The following RGMB variants were observed in gnomAD, a reference collection of about 807,000 sequenced individuals.
The protein encoded by RGMB is repulsive guidance molecule B.
In RGMB, 16 loss-of-function variants were observed where a neutral mutation model predicts 26.9. The observed-to-expected ratio is 0.60, with a 90% CI of 0.40 to 0.90. The LOEUF is 0.90. Ranked by LOEUF, RGMB falls within the 40% of genes least tolerant of loss-of-function variation. The pLI is 0.00. For missense variants in RGMB, 512 were observed against 573.3 expected (o/e 0.89, Z 1.09); for synonymous variants, 225 against 229.3 (o/e 0.98, Z 0.17).
intron 2 of RGMB, among the ~76,000 whole-genome samples, chr5:98,792,095 GT>G (rs1746947316): frequency 6.6e-6 from 1 of 152,176 alleles, no homozygotes; most frequent in South Asian, 2.1e-4. Context: ...TATTTGCCAG[GT>G]GATTTCCCTG....
chr5:98,787,810 G>A (rs1204406878), intron 2 of RGMB, among the ~76,000 whole-genome samples: 3 of 152,168 alleles, frequency 2.0e-5, no homozygotes, highest in African/African-American at 7.2e-5. Flanking sequence ...AATTACTCTT[G>A]GGAAGCAGCA....
At chr5:98,779,264 C>T (rs529695342) in intron 1 of RGMB, among the ~76,000 whole-genome samples, 62 of 152,262 alleles carry the variant, frequency 4.1e-4, no homozygotes, top group African/African-American at 1.5e-3. Flanking sequence ...GAACAAATAG[C>T]AACATTTATA....
chr5:98,790,729 G>A (rs183471158), intron 2 of RGMB, among the ~76,000 whole-genome samples: 11 of 152,202 alleles, frequency 7.2e-5, no homozygotes, highest in Admixed American at 3.9e-4. Context: ...TTTTCCTAAG[G>A]TGAACAAAAA....
At chr5:98,788,033 C>T (rs778583411) in intron 2 of RGMB, among the ~76,000 whole-genome samples, 12 of 152,224 alleles carry the variant, frequency 7.9e-5, no homozygotes, top group Non-Finnish European at 1.8e-4. Flanking sequence ...GTATTTATTA[C>T]CTACGGCAAC....
rs752063016 is a variant in RGMB, at chr5:98,794,425, A to G, written c.*672A>G. The G allele has an allele frequency of 6.6e-6, 1 of 152,170 alleles. No homozygotes were observed. Among genetic ancestry groups the G allele is most frequent in the Non-Finnish European group, 1.5e-5 (1 of 68,050 alleles). 9.4% of individuals were successfully genotyped at this position (152,170 alleles called of 1,614,324 possible). ...CTAATTGTTATATATTTGAGCCCATACAGTGTATTAGGTTGAACCATAGAA... is the reference window on the plus strand; with the variant it reads ...CTAATTGTTATATATTTGAGCCCATGCAGTGTATTAGGTTGAACCATAGAA... On this transcript the variant is annotated 3_prime_UTR_variant, in exon 3 of 3. Transcript: ENST00000513185.
intron 2 of RGMB, among the ~76,000 whole-genome samples, chr5:98,792,472 G>A (rs1746958609): frequency 6.6e-6 from 1 of 152,036 alleles, no homozygotes; most frequent in Admixed American, 6.6e-5. Flanking sequence ...AGTGGCTCAT[G>A]CCTGTAATCC....
chr5:98,786,396 C>A (rs768372293), intron 2 of RGMB, among the ~76,000 whole-genome samples: 2 of 152,220 alleles, frequency 1.3e-5, no homozygotes, highest in Non-Finnish European at 2.9e-5. Context: ...TGATACACAG[C>A]TGAGAGTTAG....
chr5:98,769,827 C>T (rs1294867659), upstream of RGMB: 3 of 152,248 alleles, frequency 2.0e-5, no homozygotes, highest in Non-Finnish European at 4.4e-5. Context: ...GATCTAGGAC[C>T]ACATTTGATT....
Position 98,779,832 on chromosome 5 carries a change from C to A in RGMB, c.389C>A (p.Thr130Asn), listed in dbSNP as rs1192664473. 2 of 1,613,928 alleles carry A rather than the reference C, an allele frequency of 1.2e-6. No homozygotes were observed. The highest frequency in any genetic ancestry group is 2.7e-5 in the African/African-American group (2 of 74,936). ...NCSKDGPTSSTNPEVTHDPCN... is the reference protein window; with the variant it reads ...NCSKDGPTSSNNPEVTHDPCN... ...TCCAAGGATGGACCCACATCCTCTA[C>A]CAACCCCGAAGTGACCCATGATCCT... The change falls in exon 2 of 3, where the codon ACC becomes AAC. Residue 130 changes from threonine to asparagine, a missense_variant. Physicochemically the swap from Thr to Asn is moderately conservative, Grantham distance 65. Coordinates refer to ENST00000513185, the MANE Select transcript of RGMB (RefSeq NM_001366508.1).
At chr5:98,774,459 C>G (rs1028559892) in intron 1 of RGMB, among the ~76,000 whole-genome samples, 1 of 152,208 alleles carries the variant, frequency 6.6e-6, no homozygotes, top group East Asian at 1.9e-4. Context: ...GCTGACAAAT[C>G]TCCCCTCCGA....
rs114670991 is a variant in RGMB, at chr5:98,775,359, A to G, written c.136+1153A>G. ...TAATAGCTGCTTTTTAACACCGACAATTAGGGAAAAGACGGCTTAATAAAA... is the reference window on the plus strand; with the variant it reads ...TAATAGCTGCTTTTTAACACCGACAGTTAGGGAAAAGACGGCTTAATAAAA... On this transcript the variant is annotated intron_variant, in intron 1 of 2. Transcript: ENST00000513185. Among the ~76,000 whole-genome samples the G allele has an allele frequency of 9.3e-4, 142 of 152,334 alleles. 1 individual carries two copies. The highest frequency in any genetic ancestry group is 3.1e-3 in the African/African-American group (127 of 41,578).
rs1257121241 is a variant in RGMB at position 98,774,519 on chromosome 5, A to G, written c.136+313A>G. 2.6e-5 allele frequency among the ~76,000 whole-genome samples: 4 copies of G among 152,144 alleles called. No homozygotes were observed. The South Asian group carries it at 6.2e-4, about 24-fold the overall frequency. ...GGCGGGGGCCGCGCGCCCGAGACAA[A>G]TGTTCCGGATGCTTTATTGCTCTCT... On this transcript the variant is annotated intron_variant, in intron 1 of 2. Transcript: ENST00000513185.
intron 2 of RGMB, chr5:98,780,396 T>A (rs1561440544): frequency 3.6e-6 from 1 of 275,010 alleles, no homozygotes; most frequent in Non-Finnish European, 6.8e-6. Context: ...GTGATGTCTT[T>A]TTTTGAGTGC....
intron 2 of RGMB, among the ~76,000 whole-genome samples, chr5:98,787,880 T>G (rs1044453674): frequency 6.6e-6 from 1 of 152,242 alleles, no homozygotes; most frequent in African/African-American, 2.4e-5. Context: ...ATTCTCGTTT[T>G]AGCCACTGAG....
rs1280809797 is a variant in RGMB at position 98,779,689 on chromosome 5, C to T, written c.246C>T (p.Cys82=). 6.3e-7 allele frequency: 1 copy of T among 1,596,598 alleles called. No homozygotes were observed. Among genetic ancestry groups the T allele is most frequent in the Admixed American group, 1.7e-5 (1 of 58,894 alleles). Residue 82 remains cysteine (C), a synonymous_variant, in exon 2 of 3, where the codon TGC becomes TGT. Coordinates refer to ENST00000513185, the MANE Select transcript of RGMB (RefSeq NM_001366508.1). ...SAVDGFDSEF[C]KALRAYAGCT... is the part of the protein sequence containing the mutation. ...TTGACGGCTTTGACTCTGAGTTTTG[C>T]AAGGCCTTGCGTGCCTATGCTGGCT... is the stretch of plus-strand genomic sequence containing the variant.
intron 2 of RGMB, chr5:98,781,099 C>G (rs1746588677): frequency 6.6e-6 from 1 of 152,202 alleles, no homozygotes; most frequent in East Asian, 1.9e-4. Context: ...ATACTTACGA[C>G]TGTTCTCTTG....
At position 98,793,531 on chromosome 5, in the gene RGMB, G is replaced by A. The variant is rs746304169; in HGVS notation, c.1092G>A (p.Val364=). The A allele has an allele frequency of 3.1e-6, 5 of 1,613,856 alleles. No homozygotes were observed. The highest frequency in any genetic ancestry group is 4.2e-6 in the Non-Finnish European group (5 of 1,179,860). Residue 364 remains valine (V), a synonymous_variant, in exon 3 of 3, where the codon GTG becomes GTA. Coordinates refer to ENST00000513185, the MANE Select transcript of RGMB (RefSeq NM_001366508.1). ...CTCAATGCCATGAGAAGATGCCAGTGAAGGACATCTATTTCCAGTCCTGTG... is the reference window on the plus strand; with the variant it reads ...CTCAATGCCATGAGAAGATGCCAGTAAAGGACATCTATTTCCAGTCCTGTG... ...ANTQCHEKMP[V]KDIYFQSCVF... is the part of the protein sequence containing the mutation.
At position 98,779,649 on chromosome 5, in the gene RGMB, A is replaced by AC. The variant is rs1385975141; in HGVS notation, c.208dup (p.Leu70ProfsTer6). On this transcript the variant is annotated frameshift_variant, in exon 2 of 3. Transcript: ENST00000513185. LOFTEE classifies it high-confidence loss of function. ...ACGGACTTCGTGTCCCTGACTTCTC[A>AC]CCTGAACTCTGCCGTTGACGGCTTT... 3 of 1,560,806 alleles carry AC rather than the reference A, an allele frequency of 1.9e-6. No individual in the cohort carries two copies. The highest frequency in any genetic ancestry group is 2.6e-6 in the Non-Finnish European group (3 of 1,150,806).
chr5:98,780,060 C>G lies in RGMB; in HGVS notation c.617C>G (p.Pro206Arg). ...SVQVTNVPVV[P>R]GSSATATNKI... ...CAAGTGACAAACGTACCTGTGGTCC[C>G]TGGATCCAGTGCTACTGCTACAAAT... The change falls in exon 2 of 3, where the codon CCT becomes CGT. Residue 206 changes from proline (P) to arginine (R), a missense_variant. By Grantham distance (103) the Pro-to-Arg change is moderately radical. Coordinates refer to ENST00000513185, the MANE Select transcript of RGMB (RefSeq NM_001366508.1). 1 of 1,612,490 alleles carries G rather than the reference C, an allele frequency of 6.2e-7. No homozygotes were observed. The highest frequency in any genetic ancestry group is 1.1e-5 in the South Asian group (1 of 91,078).
Sources: gnomAD v4.1 joint callset for allele counts (sites outside exome capture counted in the v4.1 genomes callset) on GRCh38, gnomAD v4.1.1 for gene constraint, MANE v1.5 for transcripts, NCBI Gene and HGNC (gene_info 2026-07-23, HGNC 2026-07-21) for gene names.